Variants in ROR2 observed in about 807,000 individuals in gnomAD.
ROR2 encodes tyrosine-protein kinase transmembrane receptor ROR2.
A neutral mutation model predicts 74.9 loss-of-function variants in ROR2; 33 were observed. The observed-to-expected ratio is 0.44, with a 90% CI of 0.33 to 0.59. The LOEUF (loss-of-function observed/expected upper bound fraction) is 0.59, where lower values mean the gene tolerates loss of function less well. Among genes scored for constraint, ROR2 ranks in the 20% least tolerant of loss-of-function variants. The pLI is 0.02. For missense variants in ROR2, 1,216 were observed against 1,313.8 expected, an observed-to-expected ratio of 0.93 and a Z score of 1.15; for synonymous variants, 586 against 558.7, an observed-to-expected ratio of 1.05 and a Z score of -0.69.
intron 1 of ROR2, chr9:91,886,576 C>G (rs544968354): frequency 1.1e-4 from 17 of 152,526 alleles, no homozygotes; most frequent in Admixed American, 3.9e-4. Flanking sequence ...CACCACTCCC[C>G]CGCCCCGCCC....
In ROR2 at chr9:91,905,956, A is replaced by G. The variant is rs932902056; in HGVS notation, c.97+43911T>C. Among the ~76,000 whole-genome samples, 2 of 151,992 alleles carry G rather than the reference A, an allele frequency of 1.3e-5. No individual in the cohort carries two copies. Among genetic ancestry groups the G allele is most frequent in the African/African-American group, 4.8e-5 (2 of 41,348 alleles). ...GTGCAACCCTGAATTGGTGGTTTTAAGAAACTATTATTAATGAAGAAGCAA... is the reference window on the plus strand; with the variant it reads ...GTGCAACCCTGAATTGGTGGTTTTAGGAAACTATTATTAATGAAGAAGCAA... On this transcript the variant is annotated intron_variant, in intron 1 of 8. Transcript: ENST00000375708. The surrounding 1 kb of genome is among the most constrained non-coding windows in gnomAD (Gnocchi z 5.3).
chr9:91,758,132 C>G (rs1276761301), intron 2 of ROR2, among the ~76,000 whole-genome samples: 1 of 152,184 alleles, frequency 6.6e-6, no homozygotes, highest in Non-Finnish European at 1.5e-5. Flanking sequence ...AGGGCAGAAA[C>G]CAGGGAGCAG....
chr9:91,789,174 T>C (rs1205547741), intron 1 of ROR2, among the ~76,000 whole-genome samples: 1 of 152,208 alleles, frequency 6.6e-6, no homozygotes, highest in East Asian at 1.9e-4. Context: ...TTGATTATTA[T>C]ACAATGCATA....
At chr9:91,851,137 G>A (rs1344485975) in intron 1 of ROR2, among the ~76,000 whole-genome samples, 4 of 152,090 alleles carry the variant, frequency 2.6e-5, no homozygotes, top group African/African-American at 9.7e-5. Flanking sequence ...TGGATCAAGA[G>A]GTCAGGAGAT....
intron 1 of ROR2, among the ~76,000 whole-genome samples, chr9:91,902,550 G>A (rs1249983346): frequency 2.0e-5 from 3 of 152,086 alleles, no homozygotes; most frequent in African/African-American, 7.2e-5. Context: ...AAGGATCTCC[G>A]TTAACACCAA....
At chr9:91,943,158 A>G (rs748154288) in intron 1 of ROR2, among the ~76,000 whole-genome samples, 4 of 151,812 alleles carry the variant, frequency 2.6e-5, no homozygotes, top group Non-Finnish European at 5.9e-5. Flanking sequence ...TTCACCACTC[A>G]CTTGCGTTCT....
intron 1 of ROR2, among the ~76,000 whole-genome samples, chr9:91,801,878 G>T (rs1487921933): frequency 6.6e-6 from 1 of 152,164 alleles, no homozygotes; most frequent in Non-Finnish European, 1.5e-5. Flanking sequence ...GGCAAGGCAG[G>T]GTAAAGGACC....
chr9:91,917,845 C>T (rs1429173121), intron 1 of ROR2, among the ~76,000 whole-genome samples: 1 of 152,172 alleles, frequency 6.6e-6, no homozygotes, highest in African/African-American at 2.4e-5. Context: ...CCAAGCTCAC[C>T]CAATGACACC....
chr9:91,949,158 C>G (rs370294786), intron 1 of ROR2, among the ~76,000 whole-genome samples: 11 of 151,582 alleles, frequency 7.3e-5, no homozygotes, highest in African/African-American at 2.7e-4. Context: ...GCCCCAGCCG[C>G]TCAGGGACCC....
At chr9:91,914,070 C>T (rs1212228395) in intron 1 of ROR2, among the ~76,000 whole-genome samples, 1 of 151,128 alleles carries the variant, frequency 6.6e-6, no homozygotes, top group African/African-American at 2.4e-5. Flanking sequence ...AAAAAAATCT[C>T]ATGCTGTTAT....
At chr9:91,743,900 T>C (rs1394356334) in intron 4 of ROR2, among the ~76,000 whole-genome samples, 1 of 152,228 alleles carries the variant, frequency 6.6e-6, no homozygotes, top group Non-Finnish European at 1.5e-5. Flanking sequence ...CACAAAAATA[T>C]GTGAAAACAA....
chr9:91,755,835 A>G (rs796844212), intron 4 of ROR2: 1 of 606,624 alleles, frequency 1.6e-6, no homozygotes, highest in East Asian at 2.8e-5. Flanking sequence ...GTAAGGTCAC[A>G]ATCACAGAAA....
chr9:91,882,931 G>A (rs1830159584), intron 1 of ROR2, among the ~76,000 whole-genome samples: 1 of 152,214 alleles, frequency 6.6e-6, no homozygotes, highest in Non-Finnish European at 1.5e-5. Flanking sequence ...AGCCCAGCCT[G>A]TGGGACTTCG....
At chr9:91,943,239 A>G (rs1239467405) in intron 1 of ROR2, among the ~76,000 whole-genome samples, 2 of 152,066 alleles carry the variant, frequency 1.3e-5, no homozygotes, top group African/African-American at 2.4e-5. Context: ...TCATTTCTCC[A>G]AGGTTCTCTA....
At chr9:91,892,136 G>T (rs1403091020) in intron 1 of ROR2, among the ~76,000 whole-genome samples, 1 of 151,356 alleles carries the variant, frequency 6.6e-6, no homozygotes, top group African/African-American at 2.4e-5. Flanking sequence ...CCAACCTCTA[G>T]GCCCAGATTT....
intron 7 of ROR2, 109 bp downstream of exon 7, chr9:91,730,801 G>A (rs1837211159): frequency 1.4e-6 from 2 of 1,436,602 alleles, no homozygotes; most frequent in African/African-American, 1.4e-5. Context: ...AGGGGTCTCT[G>A]GTCGCCACCG....
At chr9:91,948,841 G>GCCCTCCTCCACCCCCGCCCT in intron 1 of ROR2, 2 of 985,334 alleles carry the variant, frequency 2.0e-6, no homozygotes, top group Non-Finnish European at 1.2e-6. Flanking sequence ...GGCCCCGCCC[G>GCCCTCCTCCACCCCCGCCCT]CCCTCCTCCA....
At chr9:91,912,434 T>C (rs1345541707) in intron 1 of ROR2, among the ~76,000 whole-genome samples, 1 of 152,208 alleles carries the variant, frequency 6.6e-6, no homozygotes, top group East Asian at 1.9e-4. Context: ...GCAATTACCT[T>C]GACTTGATCA....
chr9:91,827,864 G>T (rs1379107367), intron 1 of ROR2, among the ~76,000 whole-genome samples: 2 of 152,206 alleles, frequency 1.3e-5, no homozygotes, highest in Non-Finnish European at 2.9e-5. Flanking sequence ...AAATGTATTT[G>T]TCTCCTTTGC....
Sources: gnomAD v4.1 joint callset for allele counts (sites outside exome capture counted in the v4.1 genomes callset) on GRCh38, gnomAD v4.1.1 for gene constraint, Gnocchi (gnomAD v3.1) non-coding constraint, MANE v1.5 for transcripts, NCBI Gene and HGNC (gene_info 2026-07-23, HGNC 2026-07-21) for gene names.